The following SLC7A11 variants were observed in gnomAD, a reference collection of about 807,000 sequenced individuals.
SLC7A11 encodes the protein cystine/glutamate transporter.
In SLC7A11, 35 loss-of-function variants were observed where a neutral mutation model predicts 54.5. The ratio of observed to expected loss-of-function variants is 0.64; its 90% confidence interval spans 0.49 to 0.85. SLC7A11 has a LOEUF of 0.85. Among genes scored for constraint, SLC7A11 ranks in the 40% least tolerant of loss-of-function variants. The pLI, the probability that SLC7A11 is intolerant of heterozygous loss-of-function variation, is 0.00. For synonymous variants in SLC7A11, 230 were observed against 225.2 expected, an observed-to-expected ratio of 1.02 and a Z score of -0.19; for missense variants, 583 against 618.1, an observed-to-expected ratio of 0.94 and a Z score of 0.60.
intron 7 of SLC7A11, 32 bp from the exon 8 acceptor site, chr4:138,183,337 C>T: frequency 7.0e-7 from 1 of 1,436,236 alleles, no homozygotes; most frequent in Non-Finnish European, 9.7e-7. Flanking sequence ...CAAATTAATG[C>T]CTTGCCAGAA....
In SLC7A11 at chr4:138,170,265, TATATATAC is replaced by T. The variant is rs1560713397; in HGVS notation, c.*1683_*1690del. The T allele has an allele frequency of 1.0e-5, 1 of 97,180 alleles. No homozygotes were observed. Among genetic ancestry groups the T allele is most frequent in the African/African-American group, 3.6e-5 (1 of 27,448 alleles). 6.0% of individuals were successfully genotyped at this position (97,180 alleles called of 1,614,324 possible). ...GTGTGTGTGTGTATATATATATATA[TATATATAC>T]ACACACACACACACACACACATACA... is the stretch of plus-strand genomic sequence containing the variant. On this transcript the variant is annotated 3_prime_UTR_variant, in exon 12 of 12. Coordinates refer to ENST00000280612, the MANE Select transcript of SLC7A11 (RefSeq NM_014331.4).
intron 6 of SLC7A11, among the ~76,000 whole-genome samples, chr4:138,204,058 G>T (rs894620495): frequency 2.0e-5 from 3 of 151,954 alleles, no homozygotes; most frequent in Non-Finnish European, 4.4e-5. Flanking sequence ...TCACTTCTCT[G>T]TTCTACTCTT....
At chr4:138,213,013 TACTA>T (rs888080963) in intron 6 of SLC7A11, among the ~76,000 whole-genome samples, 2 of 152,000 alleles carry the variant, frequency 1.3e-5, no homozygotes, top group African/African-American at 4.8e-5. Context: ...TTATATCCAG[TACTA>T]ACTGTCTTTT....
At chr4:138,225,519 A>T (rs1471013344) in intron 3 of SLC7A11, among the ~76,000 whole-genome samples, 3 of 152,050 alleles carry the variant, frequency 2.0e-5, no homozygotes. Context: ...GCATTATTTT[A>T]TCAGAGGAAT....
chr4:138,233,720 AT>A (rs1225362637), intron 2 of SLC7A11, among the ~76,000 whole-genome samples: 1 of 152,042 alleles, frequency 6.6e-6, no homozygotes, highest in African/African-American at 2.4e-5. Context: ...CATTTATACA[AT>A]TTTTTATGTA....
At position 138,179,221 on chromosome 4, in the gene SLC7A11, CATT is replaced by C; in HGVS notation, c.1437_1439del (p.Ile479del). On this transcript the variant is annotated inframe_deletion, in exon 11 of 12. Coordinates refer to ENST00000280612, the MANE Select transcript of SLC7A11 (RefSeq NM_014331.4). Reference sequence around the variant, plus strand: ...GAAAGTATTTAAAATTCTTACCCGACATTATTCTAAACCACCTGGGTTTCTTGT... The same window carrying C: ...GAAAGTATTTAAAATTCTTACCCGACATTCTAAACCACCTGGGTTTCTTGT... 6.2e-7 allele frequency: 1 copy of C among 1,601,156 alleles called. No homozygotes were observed. The highest frequency in any genetic ancestry group is 2.2e-5 in the East Asian group (1 of 44,730).
chr4:138,211,782 C>A (rs1224180347), intron 6 of SLC7A11, among the ~76,000 whole-genome samples: 1 of 151,672 alleles, frequency 6.6e-6, no homozygotes, highest in Non-Finnish European at 1.5e-5. Context: ...GTAAGCCATG[C>A]ACAGAAAGAC....
chr4:138,217,741 C>A (rs6832329), intron 5 of SLC7A11, among the ~76,000 whole-genome samples: 16,133 of 152,212 alleles, frequency 0.11, 1,036 homozygotes, highest in African/African-American at 0.18. Context: ...CTTTCTCTAC[C>A]TCCCCGCTTT....
intron 8 of SLC7A11, 45 bp from the exon 9 acceptor site, chr4:138,182,438 A>C (rs771830687): frequency 8.2e-7 from 1 of 1,217,842 alleles, no homozygotes; most frequent in Admixed American, 1.7e-5. Flanking sequence ...ATGATTGATC[A>C]TTTCAAAGGG....
intron 6 of SLC7A11, among the ~76,000 whole-genome samples, chr4:138,206,087 A>C (rs1737398448): frequency 6.6e-6 from 1 of 152,034 alleles, no homozygotes; most frequent in Admixed American, 6.6e-5. Flanking sequence ...TTTATCATAC[A>C]TGAATTATTG....
intron 1 of SLC7A11, among the ~76,000 whole-genome samples, chr4:138,241,232 C>T (rs1035077519): frequency 3.9e-5 from 6 of 152,234 alleles, no homozygotes; most frequent in African/African-American, 9.6e-5. Flanking sequence ...TTGAGTTATG[C>T]GCCATCATAC....
chr4:138,176,264 A>G (rs974282753), intron 11 of SLC7A11: 7 of 152,196 alleles, frequency 4.6e-5, no homozygotes, highest in African/African-American at 1.7e-4. Flanking sequence ...CAAGGCAGCT[A>G]TAAAGATAAA....
chr4:138,236,288 G>C lies in SLC7A11; in HGVS notation c.404+37C>G, dbSNP rs367586716. ...CAAGGTGATTCATAAGAATGAATTG[G>C]TTTATTTTTTCTTAATTCTTTCTAC... On this transcript the variant is annotated intron_variant, in intron 2 of 11. Transcript: ENST00000280612. 4 of 1,565,340 alleles carry C rather than the reference G, an allele frequency of 2.6e-6. No homozygotes were observed. The African/African-American group carries it at 5.5e-5, about 22-fold the overall frequency.
intron 5 of SLC7A11, among the ~76,000 whole-genome samples, chr4:138,218,919 C>A (rs1413941444): frequency 6.6e-6 from 1 of 152,158 alleles, no homozygotes; most frequent in Non-Finnish European, 1.5e-5. Context: ...GGCCTTTTGA[C>A]AAGCGAAGTA....
In SLC7A11 at chr4:138,242,072, T is replaced by G. The variant is rs759822049; in HGVS notation, c.-3A>C. ...GACACAACAGGCTTTCTGACCATAG[T>G]AGGGACACACGGGGGAAAAATAAAA... On this transcript the variant is annotated 5_prime_UTR_variant, in exon 1 of 12. Transcript: ENST00000280612. 6.2e-7 allele frequency: 1 copy of G among 1,613,486 alleles called. No individual in the cohort carries two copies. The highest frequency in any genetic ancestry group is 1.1e-5 in the South Asian group (1 of 91,070).
At chr4:138,237,086 C>T (rs948208539) in intron 1 of SLC7A11, among the ~76,000 whole-genome samples, 46 of 147,920 alleles carry the variant, frequency 3.1e-4, no homozygotes, top group African/African-American at 1.1e-3. Context: ...CCTGGGTTCA[C>T]ACCATTCTCC....
Position 138,236,391 on chromosome 4 carries a change from T to A in SLC7A11, c.338A>T (p.Tyr113Phe). Residue 113 changes from tyrosine to phenylalanine, a missense_variant, in exon 2 of 12, where the codon TAT (tyrosine) becomes TTT (phenylalanine). Tyr to Phe is a conservative substitution (Grantham distance 22). Coordinates refer to ENST00000280612, the MANE Select transcript of SLC7A11 (RefSeq NM_014331.4). ...TAATGGACCAAAGACTTCCAAAATA[T>A]ATGTGTAATGACCTCCAGATTTCTT... ...TIKKSGGHYT[Y>F]ILEVFGPLPA... is the part of the protein sequence containing the mutation. The A allele has an allele frequency of 6.2e-7, 1 of 1,613,372 alleles. No individual in the cohort carries two copies.
chr4:138,223,362 T>C (rs1737863274), intron 3 of SLC7A11, 38 bp from the exon 4 acceptor site: 1 of 1,607,462 alleles, frequency 6.2e-7, no homozygotes, highest in African/African-American at 1.3e-5. Context: ...AGGTGAATTC[T>C]CACTGGCACA....
chr4:138,195,335 C>G (rs890429396), intron 6 of SLC7A11, among the ~76,000 whole-genome samples: 3 of 152,190 alleles, frequency 2.0e-5, no homozygotes, highest in Non-Finnish European at 4.4e-5. Flanking sequence ...TTAAAACCAT[C>G]TGAATTTCAG....
Sources: allele counts gnomAD v4.1 joint callset (sites outside exome capture counted in the v4.1 genomes callset), GRCh38; gene constraint gnomAD v4.1.1; transcripts MANE v1.5; gene names NCBI Gene and HGNC (gene_info 2026-07-23, HGNC 2026-07-21).